The following ARHGAP22 variants were observed in gnomAD, a reference collection of about 807,000 sequenced individuals.
The protein encoded by ARHGAP22 is Rho GTPase activating protein 22.
In ARHGAP22, 48 loss-of-function variants were observed where a neutral mutation model predicts 59.1. The observed-to-expected ratio is 0.81, with a 90% CI of 0.64 to 1.03. The LOEUF (loss-of-function observed/expected upper bound fraction) is 1.03. Among genes scored for constraint, ARHGAP22 ranks in the 50% least tolerant of loss-of-function variants. ARHGAP22 has a pLI of 0.00. For missense variants in ARHGAP22, 1,015 were observed against 958.7 expected (o/e 1.06, Z -0.78); for synonymous variants, 445 against 416.4 (o/e 1.07, Z -0.84).
chr10:48,460,196 G>A (rs932589182), intron 4 of ARHGAP22, among the ~76,000 whole-genome samples: 8 of 152,256 alleles, frequency 5.3e-5, no homozygotes, highest in South Asian at 4.1e-4. Flanking sequence ...CCTTGGGAGC[G>A]TTCATTATGC....
intron 3 of ARHGAP22, among the ~76,000 whole-genome samples, chr10:48,520,043 C>G (rs551407910): frequency 1.3e-5 from 2 of 152,102 alleles, no homozygotes; most frequent in African/African-American, 4.8e-5. Context: ...GCCTCCAGGG[C>G]AGGAGCACAG....
chr10:48,637,569 T>C (rs2061872789), intron 1 of ARHGAP22, among the ~76,000 whole-genome samples: 1 of 151,532 alleles, frequency 6.6e-6, no homozygotes, highest in South Asian at 2.1e-4. Context: ...AATGGATGGA[T>C]GGATGGGTAG....
intron 3 of ARHGAP22, among the ~76,000 whole-genome samples, chr10:48,494,617 GTCCGTCCATCCATCCACCCATCTA>G (rs1364354025): frequency 6.6e-6 from 1 of 151,886 alleles, no homozygotes; most frequent in Admixed American, 6.6e-5. Context: ...CCATCCATCT[GTCCGTCCATCCATCCACCCATCTA>G]TCCATCCACC....
the ARHGAP22 span, chr10:48,435,292 T>C: frequency 3.0e-6 from 1 of 333,750 alleles, no homozygotes; most frequent in Admixed American, 4.8e-5. Context: ...TTTATCATGG[T>C]TTAAATTTTT....
upstream of ARHGAP22, among the ~76,000 whole-genome samples, chr10:48,605,790 C>T (rs1366471541): frequency 6.6e-6 from 1 of 152,156 alleles, no homozygotes; most frequent in East Asian, 1.9e-4. Flanking sequence ...TCTCAAACTC[C>T]TGAAGCAGGT....
At chr10:48,437,909 C>G in the ARHGAP22 span, 1 of 152,156 alleles carries the variant, frequency 6.6e-6, no homozygotes, top group Non-Finnish European at 1.5e-5. Flanking sequence ...GCTGTGTTGT[C>G]TAAAAGATGG....
rs137966610 is a variant in ARHGAP22 at position 48,507,251 on chromosome 10, G to A, written c.323-27487C>T. 2.7e-3 allele frequency among the ~76,000 whole-genome samples: 405 copies of A among 152,286 alleles called. 1 individual carries two copies. The highest frequency in any genetic ancestry group is 9.5e-3 in the African/African-American group (394 of 41,546). ...TCATCCATCTAGAGTCCAAGGACACGCAAAACAATGATTGGGAAAGGCCAA... is the reference window on the plus strand; with the variant it reads ...TCATCCATCTAGAGTCCAAGGACACACAAAACAATGATTGGGAAAGGCCAA... On this transcript the variant is annotated intron_variant, in intron 3 of 9. Coordinates refer to ENST00000249601, the MANE Select transcript of ARHGAP22 (RefSeq NM_021226.4).
At chr10:48,565,120 T>C (rs1174844358) in intron 2 of ARHGAP22, among the ~76,000 whole-genome samples, 1 of 151,974 alleles carries the variant, frequency 6.6e-6, no homozygotes, top group Admixed American at 6.6e-5. Flanking sequence ...AAGACTGTCA[T>C]GGAAACCTCA....
intron 2 of ARHGAP22, among the ~76,000 whole-genome samples, chr10:48,581,508 C>G (rs76185635): frequency 0.017 from 2,524 of 152,348 alleles, 82 homozygotes; most frequent in African/African-American, 0.058. Context: ...GTTCTCCTTT[C>G]TCATACAATC....
At chr10:48,443,372 G>C (rs2045247977), downstream of ARHGAP22, among the ~76,000 whole-genome samples, 1 of 152,140 alleles carries the variant, frequency 6.6e-6, no homozygotes, top group South Asian at 2.1e-4. Context: ...CAGAGTATCT[G>C]GCCCCTGCTA....
Position 48,493,874 on chromosome 10 carries a change from A to G in ARHGAP22, c.323-14110T>C, listed in dbSNP as rs188935425. On this transcript the variant is annotated intron_variant, in intron 3 of 9. Transcript: ENST00000249601. Reference sequence around the variant, plus strand: ...ATCTGGCATGTGGGAACCCCAGCTCAGTGCCACTAGCTTTATGCCTCAGGG... The same window carrying G: ...ATCTGGCATGTGGGAACCCCAGCTCGGTGCCACTAGCTTTATGCCTCAGGG... Among the ~76,000 whole-genome samples, 269 of 152,328 alleles carry G rather than the reference A, an allele frequency of 1.8e-3. 1 individual carries two copies. Among genetic ancestry groups the G allele is most frequent in the African/African-American group, 6.2e-3 (259 of 41,562 alleles).
intron 3 of ARHGAP22, among the ~76,000 whole-genome samples, chr10:48,499,107 G>A (rs533132555): frequency 4.2e-4 from 63 of 150,740 alleles, no homozygotes; most frequent in Non-Finnish European, 7.5e-4. Context: ...GAAGGGGCAG[G>A]GGGAGGCCAT....
At chr10:48,567,115 C>A (rs933503036) in intron 2 of ARHGAP22, among the ~76,000 whole-genome samples, 1 of 152,188 alleles carries the variant, frequency 6.6e-6, no homozygotes, top group Non-Finnish European at 1.5e-5. Context: ...TAAGCCAGGA[C>A]CTTGCACTAG....
chr10:48,485,795 T>A (rs557576534), intron 3 of ARHGAP22, among the ~76,000 whole-genome samples: 2 of 152,214 alleles, frequency 1.3e-5, no homozygotes, highest in Non-Finnish European at 2.9e-5. Context: ...AAATCCTTGA[T>A]ATAAATATAG....
chr10:48,586,049 T>C (rs1358339396), intron 1 of ARHGAP22, among the ~76,000 whole-genome samples: 2 of 152,154 alleles, frequency 1.3e-5, no homozygotes, highest in Non-Finnish European at 2.9e-5. Flanking sequence ...CTCCTCTCTG[T>C]GGGGTTGGTC....
At chr10:48,456,461 T>C (rs940108507) in intron 5 of ARHGAP22, among the ~76,000 whole-genome samples, 2 of 152,068 alleles carry the variant, frequency 1.3e-5, no homozygotes, top group Non-Finnish European at 2.9e-5. Flanking sequence ...CACACCCTCC[T>C]CGGCCTTCTC....
rs56725531 is a variant in ARHGAP22, at chr10:48,486,390, T to A, written c.323-6626A>T. 4.4e-3 allele frequency among the ~76,000 whole-genome samples: 667 copies of A among 152,000 alleles called. 3 individuals are homozygous for A. Among genetic ancestry groups the A allele is most frequent in the African/African-American group, 0.015 (617 of 41,466 alleles). Reference sequence around the variant, plus strand: ...TCTTGCTCTGTCACCCAGGCTGGAGTGGAGTGGTGCAATCTCGGCTCACCG... The same window carrying A: ...TCTTGCTCTGTCACCCAGGCTGGAGAGGAGTGGTGCAATCTCGGCTCACCG... On this transcript the variant is annotated intron_variant, in intron 3 of 9. Transcript: ENST00000249601.
At chr10:48,508,494 T>G (rs773245483) in intron 3 of ARHGAP22, among the ~76,000 whole-genome samples, 16 of 152,254 alleles carry the variant, frequency 1.1e-4, no homozygotes, top group Non-Finnish European at 2.2e-4. Context: ...TGAGGCCCAC[T>G]GCAGGCCCTT....
chr10:48,574,170 C>T (rs1455962849), intron 2 of ARHGAP22, among the ~76,000 whole-genome samples: 2 of 152,168 alleles, frequency 1.3e-5, no homozygotes, highest in Admixed American at 6.5e-5. Flanking sequence ...AATTATTTTT[C>T]CATTGAGGAT....
Sources: allele counts gnomAD v4.1 joint callset (sites outside exome capture counted in the v4.1 genomes callset), GRCh38; gene constraint gnomAD v4.1.1; transcripts MANE v1.5; gene names NCBI Gene and HGNC (gene_info 2026-07-23, HGNC 2026-07-21).